The following SLCO3A1 variants were observed in gnomAD, a reference collection of about 807,000 sequenced individuals.
SLCO3A1 encodes the protein PGE1 transporter.
In SLCO3A1, 27 loss-of-function variants were observed where a neutral mutation model predicts 63.1. The ratio of observed to expected loss-of-function variants is 0.43; its 90% CI spans 0.32 to 0.59. The LOEUF is 0.59. Among genes scored for constraint, SLCO3A1 ranks in the 20% least tolerant of loss-of-function variants. The pLI is 0.09. For synonymous variants in SLCO3A1, 473 were observed against 409.9 expected, an observed-to-expected ratio of 1.15 and a Z score of -1.86; for missense variants, 773 against 945.8, an observed-to-expected ratio of 0.82 and a Z score of 2.40.
chr15:92,082,806 C>T (rs182333024), intron 2 of SLCO3A1, among the ~76,000 whole-genome samples: 1 of 152,306 alleles, frequency 6.6e-6, no homozygotes, highest in African/African-American at 2.4e-5. Context: ...GATTCTCACG[C>T]CTTCACCACT....
chr15:91,981,412 T>C (rs1237528200), intron 2 of SLCO3A1, among the ~76,000 whole-genome samples: 2 of 152,098 alleles, frequency 1.3e-5, no homozygotes, highest in African/African-American at 4.8e-5. Flanking sequence ...TAGACTCCGC[T>C]TCATGCCCTT....
intron 2 of SLCO3A1, among the ~76,000 whole-genome samples, chr15:92,057,425 C>G (rs1222936476): frequency 2.0e-5 from 3 of 152,194 alleles, no homozygotes; most frequent in Admixed American, 6.5e-5. Flanking sequence ...TTGGCAGGCT[C>G]CAAGCATCAC....
At chr15:92,138,897 G>A (rs1208944618) in intron 7 of SLCO3A1, among the ~76,000 whole-genome samples, 1 of 96,964 alleles carries the variant, frequency 1.0e-5, no homozygotes, top group East Asian at 3.1e-4. Flanking sequence ...GGGTTTTCTA[G>A]ATATACAATC....
chr15:92,046,954 G>A (rs11632297), intron 2 of SLCO3A1, among the ~76,000 whole-genome samples: 43,457 of 109,292 alleles, frequency 0.4, 10,564 homozygotes, highest in Admixed American at 0.56. Context: ...CCCACACATT[G>A]AAAACCATTG....
chr15:92,153,418 T>C (rs777243107), intron 9 of SLCO3A1: 2 of 152,254 alleles, frequency 1.3e-5, no homozygotes, highest in Non-Finnish European at 2.9e-5. Flanking sequence ...TCTAGAAGAC[T>C]ATGACACAGC....
chr15:91,937,718 CAA>C (rs34049553), intron 2 of SLCO3A1, among the ~76,000 whole-genome samples: 9 of 112,980 alleles, frequency 8.0e-5, no homozygotes, highest in Admixed American at 2.9e-4. Context: ...GACTCCATCT[CAA>C]AAAAAAAAAA....
rs1897075745 is a variant in SLCO3A1 at position 91,862,624 on chromosome 15, A to G, written c.180+8536A>G. 6.6e-6 allele frequency among the ~76,000 whole-genome samples: 1 copy of G among 152,202 alleles called. No individual in the cohort carries two copies. The highest frequency in any genetic ancestry group is 6.5e-5 in the Admixed American group (1 of 15,286). ...TAAAGTCTCTTCTGGCTCTCCGTCC[A>G]TTGATACCTAAATTTCTAGTTGTGC... is the stretch of plus-strand genomic sequence containing the variant. On this transcript the variant is annotated intron_variant, in intron 1 of 9. Transcript: ENST00000318445. This position sits in a 1 kb window ranked among gnomAD's most constrained non-coding sequence, Gnocchi z 4.0.
At chr15:92,068,784 TC>T (rs2047181086) in intron 2 of SLCO3A1, among the ~76,000 whole-genome samples, 1 of 152,146 alleles carries the variant, frequency 6.6e-6, no homozygotes, top group Non-Finnish European at 1.5e-5. Flanking sequence ...CAAGTGAAGC[TC>T]CTCTTTTGAG....
At chr15:91,932,524 G>A (rs995653524) in intron 2 of SLCO3A1, among the ~76,000 whole-genome samples, 1 of 151,990 alleles carries the variant, frequency 6.6e-6, no homozygotes, top group Non-Finnish European at 1.5e-5. Flanking sequence ...CGGCTCACAG[G>A]AACCTCCACC....
chr15:91,914,280 C>T (rs971662800), intron 1 of SLCO3A1, among the ~76,000 whole-genome samples: 1 of 152,224 alleles, frequency 6.6e-6, no homozygotes, highest in East Asian at 1.9e-4. Flanking sequence ...AAGGGAGAGG[C>T]TGCTCTGTGC....
intron 2 of SLCO3A1, among the ~76,000 whole-genome samples, chr15:92,027,907 C>T (rs185102670): frequency 2.4e-4 from 36 of 152,292 alleles, no homozygotes; most frequent in Admixed American, 4.6e-4. Context: ...CACGAATGTG[C>T]AAGAGGAAGC....
intron 4 of SLCO3A1, among the ~76,000 whole-genome samples, chr15:92,116,366 C>T (rs567173591): frequency 2.0e-5 from 3 of 152,318 alleles, no homozygotes; most frequent in South Asian, 4.1e-4. Context: ...CCCTAGAGAC[C>T]GCTCTCCTGC....
chr15:91,903,583 C>T (rs145299012), intron 1 of SLCO3A1, among the ~76,000 whole-genome samples: 3 of 152,086 alleles, frequency 2.0e-5, no homozygotes, highest in Non-Finnish European at 2.9e-5. Flanking sequence ...ACAGAGCCAT[C>T]GAGCAAATGA....
intron 2 of SLCO3A1, among the ~76,000 whole-genome samples, chr15:91,930,380 C>A (rs574653040): frequency 6.6e-6 from 1 of 152,238 alleles, no homozygotes; most frequent in South Asian, 2.1e-4. Flanking sequence ...CTTTATGAAC[C>A]CAGAGAGATG....
At chr15:92,105,880 G>A (rs1381426484) in intron 4 of SLCO3A1, among the ~76,000 whole-genome samples, 1 of 152,222 alleles carries the variant, frequency 6.6e-6, no homozygotes. Context: ...AGCAGTGAAA[G>A]TCTGTTTACT....
chr15:92,049,156 A>G (rs184598178), intron 2 of SLCO3A1, among the ~76,000 whole-genome samples: 70 of 152,322 alleles, frequency 4.6e-4, no homozygotes, highest in African/African-American at 1.6e-3. Flanking sequence ...TTAAGGGTAC[A>G]GTTGGATAGT....
rs1424183661 is a variant in SLCO3A1 at position 91,894,443 on chromosome 15, A to G, written c.181-21550A>G. Among the ~76,000 whole-genome samples the G allele has an allele frequency of 6.6e-6, 1 of 152,104 alleles. No individual in the cohort carries two copies. The highest frequency in any genetic ancestry group is 1.5e-5 in the Non-Finnish European group (1 of 68,016). ...TGGTGGTATCTCAGGTGAGGGGTTG[A>G]TGGTCGCCAGGTCATAGGTGGTAGC... On this transcript the variant is annotated intron_variant, in intron 1 of 9. Transcript: ENST00000318445. The surrounding 1 kb of genome is among the most constrained non-coding windows in gnomAD (Gnocchi z 4.8).
At position 92,128,256 on chromosome 15, in the gene SLCO3A1, G is replaced by A. The variant is rs968645613; in HGVS notation, c.1374-95G>A. On this transcript the variant is annotated intron_variant, in intron 6 of 9. Transcript: ENST00000318445. The stretch of plus-strand genomic sequence containing the variant: ...CAATCCCATAAGCAGGGTACCACGC[G>A]ACTCATCACAACAGAGGCAAAAGGC... 98 of 1,438,676 alleles carry A rather than the reference G, an allele frequency of 6.8e-5. No individual in the cohort carries two copies. In the South Asian group the frequency reaches 8.1e-4, roughly 12 times the overall value. The allele number at this position is 1,438,676 out of a possible 1,614,324, so 89.1% of individuals were successfully genotyped here.
At chr15:91,964,959 C>T (rs28690782) in intron 2 of SLCO3A1, among the ~76,000 whole-genome samples, 2,645 of 152,080 alleles carry the variant, frequency 0.017, 88 homozygotes, top group African/African-American at 0.059. Flanking sequence ...GCCAGCAGTC[C>T]TACCTCTAGA....
Sources: allele counts gnomAD v4.1 joint callset (sites outside exome capture counted in the v4.1 genomes callset), GRCh38; gene constraint gnomAD v4.1.1; non-coding constraint Gnocchi (gnomAD v3.1); transcripts MANE v1.5; gene names NCBI Gene and HGNC (gene_info 2026-07-23, HGNC 2026-07-21).